The following HSD17B12 variants were observed in gnomAD, a reference collection of about 807,000 sequenced individuals.
HSD17B12 encodes the protein hydroxysteroid 17-beta dehydrogenase 12.
A neutral mutation model predicts 39.3 loss-of-function variants in HSD17B12; 32 were observed. The observed-to-expected ratio is 0.81, with a 90% CI of 0.61 to 1.09. The LOEUF (loss-of-function observed/expected upper bound fraction) is 1.09, where lower values mean the gene tolerates loss of function less well. HSD17B12 is among the 50% of genes least tolerant of loss of function. The probability of loss-of-function intolerance (pLI) is 0.00; values close to 1 mark genes in which losing one functional copy is unlikely to be tolerated. For synonymous variants in HSD17B12, 150 were observed against 146.7 expected, an observed-to-expected ratio of 1.02 and a Z score of -0.16; for missense variants, 342 against 382.9, an observed-to-expected ratio of 0.89 and a Z score of 0.89.
At chr11:43,806,889 T>C (rs2135061380) in intron 4 of HSD17B12, among the ~76,000 whole-genome samples, 1 of 152,328 alleles carries the variant, frequency 6.6e-6, no homozygotes, top group African/African-American at 2.4e-5. Flanking sequence ...GTTACCCTGA[T>C]TTGATTATAT....
At chr11:43,602,083 C>A in the HSD17B12 span, among the ~76,000 whole-genome samples, 1 of 152,192 alleles carries the variant, frequency 6.6e-6, no homozygotes, top group Non-Finnish European at 1.5e-5. Context: ...TTCCATGAGG[C>A]AATGCTATTC....
intron 4 of HSD17B12, among the ~76,000 whole-genome samples, chr11:43,812,035 T>C (rs1268541055): frequency 6.6e-6 from 1 of 152,238 alleles, no homozygotes; most frequent in African/African-American, 2.4e-5. Context: ...TCCATGTTGC[T>C]ATAAATTACA....
At chr11:43,565,640 T>G in the HSD17B12 span, among the ~76,000 whole-genome samples, 1 of 152,236 alleles carries the variant, frequency 6.6e-6, no homozygotes, top group African/African-American at 2.4e-5. Context: ...TAAAGAATTC[T>G]ACTCTTAAAT....
At chr11:43,701,413 C>G (rs915178157) in intron 1 of HSD17B12, among the ~76,000 whole-genome samples, 2 of 152,164 alleles carry the variant, frequency 1.3e-5, no homozygotes, top group Non-Finnish European at 2.9e-5. Flanking sequence ...TTTGCCCAGA[C>G]TAATGTCCTT....
intron 1 of HSD17B12, among the ~76,000 whole-genome samples, chr11:43,715,414 T>C (rs1433190329): frequency 2.0e-5 from 3 of 152,234 alleles, no homozygotes; most frequent in African/African-American, 7.2e-5. Context: ...TCTGTTTATA[T>C]GCTGGATTAC....
intron 4 of HSD17B12, among the ~76,000 whole-genome samples, chr11:43,810,613 T>C (rs61883826): frequency 0.054 from 8,278 of 152,096 alleles, 253 homozygotes; most frequent in African/African-American, 0.069. Context: ...TTATTCTTGG[T>C]CTGTTTTCAC....
chr11:43,623,734 A>C, the HSD17B12 span, among the ~76,000 whole-genome samples: 1 of 152,056 alleles, frequency 6.6e-6, no homozygotes, highest in Non-Finnish European at 1.5e-5. Context: ...TATAAATACC[A>C]AATTAAGAAG....
chr11:43,595,650 T>C, the HSD17B12 span, among the ~76,000 whole-genome samples: 1 of 152,252 alleles, frequency 6.6e-6, no homozygotes, highest in East Asian at 1.9e-4. Flanking sequence ...GTTAATTTCT[T>C]ATTAACACCA....
At chr11:43,636,252 A>C in the HSD17B12 span, among the ~76,000 whole-genome samples, 1 of 152,214 alleles carries the variant, frequency 6.6e-6, no homozygotes, top group African/African-American at 2.4e-5. Context: ...CCTGTTCTCA[A>C]CATGGAGATG....
intron 1 of HSD17B12, among the ~76,000 whole-genome samples, chr11:43,694,958 T>G (rs1215017581): frequency 6.6e-6 from 1 of 152,104 alleles, no homozygotes; most frequent in Non-Finnish European, 1.5e-5. Flanking sequence ...GCAGATCACT[T>G]GAGGTCAAGA....
intron 1 of HSD17B12, among the ~76,000 whole-genome samples, chr11:43,742,277 A>C (rs1223639652): frequency 6.6e-6 from 1 of 151,484 alleles, no homozygotes; most frequent in African/African-American, 2.4e-5. Context: ...AGGTGGGACT[A>C]TAGGTGTGTG....
intron 6 of HSD17B12, among the ~76,000 whole-genome samples, chr11:43,825,241 A>G (rs1406662224): frequency 6.6e-6 from 1 of 152,124 alleles, no homozygotes; most frequent in African/African-American, 2.4e-5. Context: ...CTTTTTGAAA[A>G]TCTATTTTTT....
chr11:43,826,713 C>T (rs751638957), intron 6 of HSD17B12, among the ~76,000 whole-genome samples: 8 of 152,188 alleles, frequency 5.3e-5, no homozygotes, highest in Non-Finnish European at 1.2e-4. Flanking sequence ...TTTCCACCCA[C>T]TGTGCAATAA....
At chr11:43,845,375 C>T (rs1444724610) in intron 9 of HSD17B12, among the ~76,000 whole-genome samples, 1 of 152,174 alleles carries the variant, frequency 6.6e-6, no homozygotes. Context: ...ATTATTTGTG[C>T]CCAATTTTTG....
chr11:43,702,186 T>C (rs1238376746), intron 1 of HSD17B12, among the ~76,000 whole-genome samples: 1 of 152,246 alleles, frequency 6.6e-6, no homozygotes, highest in Non-Finnish European at 1.5e-5. Flanking sequence ...GTCTGCAACT[T>C]TACTGAATTT....
chr11:43,574,132 G>C, the HSD17B12 span, among the ~76,000 whole-genome samples: 1 of 152,218 alleles, frequency 6.6e-6, no homozygotes, highest in African/African-American at 2.4e-5. Context: ...CCTTTAGTAG[G>C]CACAGCTAAA....
chr11:43,677,220 T>C (rs1949700477), upstream of HSD17B12, among the ~76,000 whole-genome samples: 1 of 152,146 alleles, frequency 6.6e-6, no homozygotes, highest in African/African-American at 2.4e-5. Flanking sequence ...TTGAATCTTA[T>C]CAAACTATGA....
At chr11:43,809,039 A>T (rs1397126566) in intron 4 of HSD17B12, among the ~76,000 whole-genome samples, 1 of 152,214 alleles carries the variant, frequency 6.6e-6, no homozygotes, top group Non-Finnish European at 1.5e-5. Flanking sequence ...AAATAGCAGC[A>T]GCTCTGGTTA....
chr11:43,756,073 C>A (rs1455980889), intron 3 of HSD17B12, among the ~76,000 whole-genome samples: 2 of 152,124 alleles, frequency 1.3e-5, no homozygotes, highest in African/African-American at 4.8e-5. Flanking sequence ...GAACCGCCCC[C>A]ATGGTTCAAT....
Sources: allele counts gnomAD v4.1 joint callset (sites outside exome capture counted in the v4.1 genomes callset), GRCh38; gene constraint gnomAD v4.1.1; transcripts MANE v1.5; gene names NCBI Gene and HGNC (gene_info 2026-07-23, HGNC 2026-07-21).